Variants in MYT1L observed in about 807,000 individuals in gnomAD.
MYT1L encodes the protein myelin transcription factor 1-like protein.
A neutral mutation model predicts 126.7 loss-of-function variants in MYT1L; 12 were observed. The ratio of observed to expected loss-of-function variants is 0.09; its 90% CI spans 0.06 to 0.15. The LOEUF is 0.15. Ranked by LOEUF, MYT1L falls within the 10% of genes least tolerant of loss-of-function variation. The pLI is 1.00. For missense variants in MYT1L, 979 were observed against 1,585.2 expected, an observed-to-expected ratio of 0.62 and a Z score of 6.49; for synonymous variants, 541 against 604.2, an observed-to-expected ratio of 0.90 and a Z score of 1.53.
At chr2:2,275,122 A>C (rs2095333064) in intron 2 of MYT1L, among the ~76,000 whole-genome samples, 1 of 152,056 alleles carries the variant, frequency 6.6e-6, no homozygotes, top group South Asian at 2.1e-4. Context: ...CACCTTGGGC[A>C]GACACTGAGC....
chr2:2,145,133 C>G (rs1166384864), intron 3 of MYT1L, among the ~76,000 whole-genome samples: 1 of 152,148 alleles, frequency 6.6e-6, no homozygotes, highest in East Asian at 1.9e-4. Context: ...TTGAAGGAGC[C>G]CACGCCTTAG....
At chr2:2,291,895 T>A (rs1397953252) in intron 1 of MYT1L, among the ~76,000 whole-genome samples, 1 of 151,894 alleles carries the variant, frequency 6.6e-6, no homozygotes, top group African/African-American at 2.4e-5. Context: ...CCTAGCTTTC[T>A]CTGGAGCATC....
chr2:1,983,293 C>G (rs1421793280), intron 5 of MYT1L, among the ~76,000 whole-genome samples: 1 of 152,196 alleles, frequency 6.6e-6, no homozygotes, highest in Non-Finnish European at 1.5e-5. Flanking sequence ...ATGAAAGATG[C>G]CAAGCACAGC....
intron 3 of MYT1L, among the ~76,000 whole-genome samples, chr2:2,093,096 T>C (rs2077060146): frequency 6.6e-6 from 1 of 152,172 alleles, no homozygotes; most frequent in South Asian, 2.1e-4. Flanking sequence ...AAAAGCATAA[T>C]AAAAATATTT....
At chr2:2,071,430 T>C (rs183320318) in intron 3 of MYT1L, among the ~76,000 whole-genome samples, 37 of 152,272 alleles carry the variant, frequency 2.4e-4, no homozygotes, top group African/African-American at 7.7e-4. Flanking sequence ...ACTCACCAAG[T>C]TTACTGTCTG....
chr2:2,165,754 T>C (rs1465446415), intron 3 of MYT1L, among the ~76,000 whole-genome samples: 1 of 152,092 alleles, frequency 6.6e-6, no homozygotes, highest in Non-Finnish European at 1.5e-5. Context: ...AGAAATAATT[T>C]TGAGATTCTG....
At chr2:2,306,352 A>G (rs2095858858) in intron 1 of MYT1L, among the ~76,000 whole-genome samples, 1 of 152,178 alleles carries the variant, frequency 6.6e-6, no homozygotes, top group Non-Finnish European at 1.5e-5. Context: ...GGTCCAAAGG[A>G]AATAGAATGA....
At chr2:2,266,758 C>A (rs2095139747) in intron 2 of MYT1L, among the ~76,000 whole-genome samples, 1 of 152,098 alleles carries the variant, frequency 6.6e-6, no homozygotes, top group Non-Finnish European at 1.5e-5. Context: ...CCATACTGTT[C>A]TTGTGGTAGA....
At chr2:2,081,220 G>C (rs1420269912) in intron 3 of MYT1L, among the ~76,000 whole-genome samples, 1 of 152,192 alleles carries the variant, frequency 6.6e-6, no homozygotes, top group African/African-American at 2.4e-5. Context: ...ACAGCAAAGG[G>C]AAAACAGGCC....
chr2:2,198,929 T>G (rs1559312467), intron 2 of MYT1L, among the ~76,000 whole-genome samples: 2 of 151,336 alleles, frequency 1.3e-5, no homozygotes, highest in Non-Finnish European at 2.9e-5. Context: ...TGTGTATATA[T>G]GCATTGAAAC....
At chr2:2,072,693 G>A (rs2074746375) in intron 3 of MYT1L, among the ~76,000 whole-genome samples, 1 of 151,466 alleles carries the variant, frequency 6.6e-6, no homozygotes, top group African/African-American at 2.4e-5. Context: ...GGATCATGGG[G>A]ACAGTTTCCC....
At chr2:2,279,528 A>G (rs1189809451) in intron 2 of MYT1L, among the ~76,000 whole-genome samples, 1 of 149,344 alleles carries the variant, frequency 6.7e-6, no homozygotes, top group African/African-American at 2.5e-5. Flanking sequence ...GAGGGAGGGA[A>G]GGAGGAAGGA....
intron 5 of MYT1L, among the ~76,000 whole-genome samples, chr2:1,986,578 A>C (rs1443741456): frequency 6.6e-6 from 1 of 152,210 alleles, no homozygotes; most frequent in Non-Finnish European, 1.5e-5. Context: ...TCATAAAATA[A>C]TTTACATTTG....
chr2:1,919,952 T>G (rs533641683), intron 10 of MYT1L, among the ~76,000 whole-genome samples: 14 of 139,740 alleles, frequency 1.0e-4, no homozygotes, highest in Non-Finnish European at 2.0e-4. Flanking sequence ...TCTCCTGACC[T>G]CGTGATCCAC....
chr2:2,011,359 C>T (rs571971675), intron 4 of MYT1L, among the ~76,000 whole-genome samples: 1 of 151,044 alleles, frequency 6.6e-6, no homozygotes, highest in Admixed American at 6.6e-5. Flanking sequence ...GCCGAGATTG[C>T]GCCACTGCAC....
chr2:1,947,191 T>C (rs1016525548), intron 8 of MYT1L, among the ~76,000 whole-genome samples: 1 of 152,044 alleles, frequency 6.6e-6, no homozygotes, highest in Non-Finnish European at 1.5e-5. Flanking sequence ...TGCTATTCAG[T>C]GAGGTGACTG....
intron 23 of MYT1L, 50 bp from the exon 24 acceptor site, chr2:1,792,514 C>A: frequency 6.4e-7 from 1 of 1,572,614 alleles, no homozygotes; most frequent in East Asian, 2.3e-5. Context: ...GACCTAGGAG[C>A]GCGTGGTCGT....
chr2:2,139,515 T>C (rs1262653307), intron 3 of MYT1L, among the ~76,000 whole-genome samples: 1 of 151,970 alleles, frequency 6.6e-6, no homozygotes, highest in East Asian at 1.9e-4. Context: ...GGTGCGTGCC[T>C]ATAATCCCAG....
chr2:1,898,257 C>A (rs565449532), intron 14 of MYT1L, among the ~76,000 whole-genome samples: 1 of 152,360 alleles, frequency 6.6e-6, no homozygotes, highest in East Asian at 1.9e-4. Flanking sequence ...GATGTCTCCA[C>A]TAGCTGGGAC....
Sources: allele counts gnomAD v4.1 joint callset (sites outside exome capture counted in the v4.1 genomes callset), GRCh38; gene constraint gnomAD v4.1.1; transcripts MANE v1.5; gene names NCBI Gene and HGNC (gene_info 2026-07-23, HGNC 2026-07-21).